The following LPP variants were observed in gnomAD, a reference collection of about 807,000 sequenced individuals.
LPP encodes LIM domain containing preferred translocation partner in lipoma.
In LPP, 38 loss-of-function variants were observed where a neutral mutation model predicts 60.4. The ratio of observed to expected loss-of-function variants is 0.63; its 90% CI spans 0.49 to 0.83. The LOEUF (loss-of-function observed/expected upper bound fraction) is 0.83, where lower values mean the gene tolerates loss of function less well. Ranked by LOEUF, LPP falls within the 40% of genes least tolerant of loss-of-function variation. The pLI, the probability that LPP is intolerant of heterozygous loss-of-function variation, is 0.00. For missense variants in LPP, 902 were observed against 783.6 expected (o/e 1.15, Z -1.80); for synonymous variants, 328 against 290.8 (o/e 1.13, Z -1.30).
At chr3:188,344,244 T>C (rs1763759774) in intron 3 of LPP, among the ~76,000 whole-genome samples, 2 of 152,242 alleles carry the variant, frequency 1.3e-5, no homozygotes, top group Admixed American at 1.3e-4. Context: ...GTGAATTGTT[T>C]ATTATAATTT....
intron 7 of LPP, among the ~76,000 whole-genome samples, chr3:188,656,816 A>G (rs1164422039): frequency 1.3e-5 from 2 of 152,204 alleles, no homozygotes; most frequent in African/African-American, 4.8e-5. Context: ...ACAGCATGCC[A>G]CTGAGGGCTG....
At chr3:188,716,837 A>T (rs1714212198) in intron 8 of LPP, among the ~76,000 whole-genome samples, 2 of 152,200 alleles carry the variant, frequency 1.3e-5, no homozygotes, top group African/African-American at 4.8e-5. Context: ...GTCCAATTCT[A>T]ACATTTTGTG....
At chr3:188,498,221 C>T (rs565726350) in intron 5 of LPP, among the ~76,000 whole-genome samples, 8 of 152,190 alleles carry the variant, frequency 5.3e-5, no homozygotes, top group African/African-American at 1.2e-4. Context: ...CTATCTTCAC[C>T]GTTTAATGTT....
chr3:188,288,842 C>G (rs1745010031), intron 2 of LPP, among the ~76,000 whole-genome samples: 1 of 135,796 alleles, frequency 7.4e-6, no homozygotes, highest in Non-Finnish European at 1.6e-5. Flanking sequence ...CCCCCCCGCC[C>G]CTCTAGCTAG....
At chr3:188,406,046 A>G in intron 3 of LPP, 66 bp from the exon 4 acceptor site, 1 of 1,369,392 alleles carries the variant, frequency 7.3e-7, no homozygotes, top group Admixed American at 2.0e-5. Flanking sequence ...TGAAATAGCA[A>G]TGAAATGAGG....
intron 9 of LPP, among the ~76,000 whole-genome samples, chr3:188,804,374 T>G (rs111946804): frequency 7.9e-4 from 117 of 147,420 alleles, no homozygotes; most frequent in African/African-American, 2.9e-3. Context: ...CTAAATGAAA[T>G]AAATTAGAAA....
Position 188,602,171 on chromosome 3 carries a change from ATATATT to A in LPP, c.430-6989_430-6984del, listed in dbSNP as rs1239543026. Among the ~76,000 whole-genome samples the A allele has an allele frequency of 2.8e-4, 37 of 130,544 alleles. 2 individuals carry two copies. The highest frequency in any genetic ancestry group is 9.6e-4 in the African/African-American group (35 of 36,280). 85.6% of individuals were successfully genotyped at this position (130,544 alleles called of 152,430 possible). On this transcript the variant is annotated intron_variant, in intron 6 of 11. Coordinates refer to ENST00000617246, the MANE Select transcript of LPP (RefSeq NM_001375462.1). Reference sequence around the variant, plus strand: ...TATATATAATATATATATAATATATATATATTATATATATATATGACATTCTTAATC... The same window carrying A: ...TATATATAATATATATATAATATATAATATATATATATGACATTCTTAATC...
intron 8 of LPP, among the ~76,000 whole-genome samples, chr3:188,739,753 C>T (rs1723763247): frequency 6.6e-6 from 1 of 152,008 alleles, no homozygotes. Context: ...CAAGAATTTA[C>T]AATTGTCTGT....
rs1442143110 is a variant in LPP at position 188,884,591 on chromosome 3, G to A, written c.*10112G>A. ...ATTGCAATAAATTTCCCCAGAGAGA[G>A]TTCCTTTACATTCCATTCACCAAAA... is the stretch of plus-strand genomic sequence containing the variant. On this transcript the variant is annotated 3_prime_UTR_variant, in exon 12 of 12. Coordinates refer to ENST00000617246, the MANE Select transcript of LPP (RefSeq NM_001375462.1). The A allele has an allele frequency of 8.7e-6, 2 of 230,382 alleles. No homozygotes were observed. The highest frequency in any genetic ancestry group is 5.6e-5 in the Admixed American group (1 of 17,700). 14.3% of individuals were successfully genotyped at this position (230,382 alleles called of 1,614,324 possible). A position where few individuals can be genotyped will look rare whatever the true frequency, so the allele number is the denominator to read the frequency against.
intron 9 of LPP, among the ~76,000 whole-genome samples, chr3:188,849,486 T>A (rs933887694): frequency 1.3e-5 from 2 of 152,210 alleles, no homozygotes; most frequent in Non-Finnish European, 2.9e-5. Flanking sequence ...GATTTTTAAT[T>A]AAGAAGCCTA....
chr3:188,787,490 C>T (rs939548344), intron 9 of LPP, among the ~76,000 whole-genome samples: 1 of 152,032 alleles, frequency 6.6e-6, no homozygotes, highest in Non-Finnish European at 1.5e-5. Flanking sequence ...GTTCAGCTCC[C>T]TGTAATTCAG....
intron 6 of LPP, among the ~76,000 whole-genome samples, chr3:188,543,526 AT>A (rs1825762002): frequency 1.3e-5 from 2 of 152,024 alleles, no homozygotes; most frequent in African/African-American, 2.4e-5. Flanking sequence ...GTGGTTTTTA[AT>A]TTTTTTATAT....
intron 2 of LPP, among the ~76,000 whole-genome samples, chr3:188,322,949 T>C (rs1223353361): frequency 6.6e-6 from 1 of 152,200 alleles, no homozygotes; most frequent in Non-Finnish European, 1.5e-5. Context: ...GATGGACCAA[T>C]AGTCATCTTC....
intron 2 of LPP, among the ~76,000 whole-genome samples, chr3:188,316,095 G>A (rs1754963050): frequency 6.6e-6 from 1 of 152,144 alleles, no homozygotes; most frequent in Non-Finnish European, 1.5e-5. Context: ...CCAACATGGT[G>A]AAACCTGATC....
intron 4 of LPP, among the ~76,000 whole-genome samples, chr3:188,407,788 G>GTTTTTTTTTT (rs869082030): frequency 3.7e-5 from 4 of 107,614 alleles, no homozygotes; most frequent in Admixed American, 1.1e-4. Context: ...TTGTTTGTTT[G>GTTTTTTTTTT]TTTTTTTTTT....
intron 4 of LPP, among the ~76,000 whole-genome samples, chr3:188,424,856 G>C (rs1019354184): frequency 1.3e-5 from 2 of 151,990 alleles, no homozygotes; most frequent in Non-Finnish European, 2.9e-5. Flanking sequence ...TGAGATTTTG[G>C]GATTTTCTAA....
At chr3:188,765,891 G>T in intron 9 of LPP, among the ~76,000 whole-genome samples, 1 of 103,660 alleles carries the variant, frequency 9.6e-6, no homozygotes, top group African/African-American at 3.9e-5. Flanking sequence ...TTTTTTTGGA[G>T]ACAGGGTCTC....
chr3:188,629,989 C>G (rs997796383), intron 7 of LPP, among the ~76,000 whole-genome samples: 5 of 151,952 alleles, frequency 3.3e-5, no homozygotes, highest in Non-Finnish European at 7.4e-5. Context: ...AAGACTTAAA[C>G]GTAAGACCTA....
At chr3:188,376,016 T>C (rs1044316485) in intron 3 of LPP, among the ~76,000 whole-genome samples, 3 of 152,254 alleles carry the variant, frequency 2.0e-5, no homozygotes, top group African/African-American at 7.2e-5. Flanking sequence ...TGAGCTGTTT[T>C]GAGTGAGTTT....
Sources: allele counts gnomAD v4.1 joint callset (sites outside exome capture counted in the v4.1 genomes callset), GRCh38; gene constraint gnomAD v4.1.1; transcripts MANE v1.5; gene names NCBI Gene and HGNC (gene_info 2026-07-23, HGNC 2026-07-21).